Variants in AKT3 observed in about 807,000 individuals in gnomAD.
The protein encoded by AKT3 is RAC-gamma serine/threonine-protein kinase.
Under a neutral mutation model 65.3 loss-of-function variants are expected in AKT3, and 15 were observed. The ratio of observed to expected loss-of-function variants is 0.23; its 90% CI spans 0.15 to 0.35. The LOEUF is 0.35. Ranked by LOEUF, AKT3 falls within the 10% of genes least tolerant of loss-of-function variation. The pLI is 1.00. For missense variants in AKT3, 243 were observed against 576.5 expected, an observed-to-expected ratio of 0.42 and a Z score of 5.92; for synonymous variants, 206 against 183.8, an observed-to-expected ratio of 1.12 and a Z score of -0.98.
At chr1:243,548,500 G>A (rs1255775785) in intron 11 of AKT3, among the ~76,000 whole-genome samples, 1 of 152,154 alleles carries the variant, frequency 6.6e-6, no homozygotes, top group Non-Finnish European at 1.5e-5. Flanking sequence ...GAAGCTAGGA[G>A]AAATTCTTTA....
At chr1:243,661,046 A>C (rs553873508) in intron 4 of AKT3, among the ~76,000 whole-genome samples, 5 of 151,872 alleles carry the variant, frequency 3.3e-5, no homozygotes, top group African/African-American at 1.2e-4. Flanking sequence ...CACTGCTCAA[A>C]GAAATAAAAG....
chr1:243,529,887 G>A (rs1671414930), intron 12 of AKT3, among the ~76,000 whole-genome samples: 2 of 152,088 alleles, frequency 1.3e-5, no homozygotes, highest in Admixed American at 1.3e-4. Flanking sequence ...AACTGCTGTG[G>A]GCAGTATGGC....
At chr1:243,561,779 A>T (rs758695860) in intron 10 of AKT3, among the ~76,000 whole-genome samples, 12 of 152,150 alleles carry the variant, frequency 7.9e-5, no homozygotes, top group Non-Finnish European at 1.8e-4. Context: ...CCTTTGCAAC[A>T]GGTACCATCA....
intron 12 of AKT3, among the ~76,000 whole-genome samples, chr1:243,525,021 G>A (rs1443839200): frequency 6.6e-6 from 1 of 152,164 alleles, no homozygotes; most frequent in Non-Finnish European, 1.5e-5. Context: ...TCAGAGGACA[G>A]AGCTTGAACA....
At position 243,705,313 on chromosome 1, in the gene AKT3, C is replaced by A. The variant is rs529310066; in HGVS notation, c.47-9597G>T. Among the ~76,000 whole-genome samples, 22 of 152,276 alleles carry A rather than the reference C, an allele frequency of 1.4e-4. No homozygotes were observed. The South Asian group carries it at 2.3e-3, about 16-fold the overall frequency. On this transcript the variant is annotated intron_variant, in intron 2 of 13. Coordinates refer to ENST00000673466, the MANE Select transcript of AKT3 (RefSeq NM_005465.7). ...ATACCTATGCATTGAATACCAACCACAAGATGTTAGAATGGCAACTTCTCT... is the reference window on the plus strand; with the variant it reads ...ATACCTATGCATTGAATACCAACCAAAAGATGTTAGAATGGCAACTTCTCT...
chr1:243,495,473 C>A (rs3006929), downstream of AKT3, among the ~76,000 whole-genome samples: 15 of 152,264 alleles, frequency 9.9e-5, no homozygotes, highest in Admixed American at 2.0e-4. Flanking sequence ...GGGGCCCAGC[C>A]GGGCAGCCAG....
intron 3 of AKT3, among the ~76,000 whole-genome samples, chr1:243,667,335 G>A (rs545042390): frequency 1.3e-5 from 2 of 152,230 alleles, no homozygotes; most frequent in Admixed American, 6.5e-5. Flanking sequence ...ATGTCCGAAC[G>A]TGAACTCTTG....
chr1:243,570,617 G>C (rs1162920966), intron 9 of AKT3, among the ~76,000 whole-genome samples: 1 of 152,142 alleles, frequency 6.6e-6, no homozygotes, highest in Non-Finnish European at 1.5e-5. Context: ...TAGGTTTGAA[G>C]GAGATCACCT....
At chr1:243,540,619 T>G (rs1045724962) in intron 12 of AKT3, among the ~76,000 whole-genome samples, 3 of 152,082 alleles carry the variant, frequency 2.0e-5, no homozygotes, top group African/African-American at 7.2e-5. Flanking sequence ...ACAAAGAAAT[T>G]AACATCAGTG....
intron 2 of AKT3, among the ~76,000 whole-genome samples, chr1:243,760,106 A>T (rs749821945): frequency 2.0e-5 from 3 of 152,042 alleles, no homozygotes; most frequent in Non-Finnish European, 4.4e-5. Context: ...AAATGAAGAT[A>T]ACTTTACTCA....
At chr1:243,594,639 C>A (rs1676469731) in intron 8 of AKT3, among the ~76,000 whole-genome samples, 1 of 152,156 alleles carries the variant, frequency 6.6e-6, no homozygotes, top group South Asian at 2.1e-4. Context: ...GCTGTGTTGT[C>A]CAGTCTGCAA....
intron 1 of AKT3, chr1:243,843,713 G>A (rs899953310): frequency 6.4e-5 from 24 of 376,942 alleles, no homozygotes; most frequent in South Asian, 4.4e-4. Flanking sequence ...GTACAGTGGC[G>A]CGATCTCTGC....
At chr1:243,730,675 A>C (rs1433032963) in intron 2 of AKT3, among the ~76,000 whole-genome samples, 1 of 152,130 alleles carries the variant, frequency 6.6e-6, no homozygotes, top group East Asian at 1.9e-4. Flanking sequence ...GGTGGGACTG[A>C]ACAAGCTGAA....
intron 12 of AKT3, among the ~76,000 whole-genome samples, chr1:243,513,666 ATTCT>A (rs1367165100): frequency 3.9e-5 from 6 of 152,296 alleles, no homozygotes; most frequent in Admixed American, 1.3e-4. Context: ...TCTTTTTATA[ATTCT>A]TTCTGTTTAC....
At chr1:243,573,455 A>C (rs1440928676) in intron 8 of AKT3, among the ~76,000 whole-genome samples, 1 of 152,222 alleles carries the variant, frequency 6.6e-6, no homozygotes, top group Non-Finnish European at 1.5e-5. Flanking sequence ...TTGATTTCAA[A>C]GACAAGACTG....
intron 2 of AKT3, among the ~76,000 whole-genome samples, chr1:243,751,888 G>A (rs571721962): frequency 6.6e-6 from 1 of 152,272 alleles, no homozygotes; most frequent in South Asian, 2.1e-4. Flanking sequence ...CAGCACTGGA[G>A]CCTACAACTA....
chr1:243,665,484 G>A (rs1438580893), intron 3 of AKT3, among the ~76,000 whole-genome samples: 1 of 152,152 alleles, frequency 6.6e-6, no homozygotes, highest in African/African-American at 2.4e-5. Context: ...TGCCCCAAGA[G>A]CCAGTCACTC....
chr1:243,522,558 C>T (rs1670786017), intron 12 of AKT3, among the ~76,000 whole-genome samples: 1 of 151,990 alleles, frequency 6.6e-6, no homozygotes, highest in African/African-American at 2.4e-5. Flanking sequence ...ACTTGAGAGG[C>T]TGAGGTGGAA....
At chr1:243,686,652 T>TATATATATATATATATATATA (rs373666457) in intron 3 of AKT3, among the ~76,000 whole-genome samples, 237 of 12,570 alleles carry the variant, frequency 0.019, 16 homozygotes, top group Non-Finnish European at 0.025. Flanking sequence ...TATATATATA[T>TATATATATATATATATATATA]TTTTTTTTTT....
Sources: gnomAD v4.1 joint callset for allele counts (sites outside exome capture counted in the v4.1 genomes callset) on GRCh38, gnomAD v4.1.1 for gene constraint, MANE v1.5 for transcripts, NCBI Gene and HGNC (gene_info 2026-07-23, HGNC 2026-07-21) for gene names.